Variants in GABBR1 observed in about 807,000 individuals in gnomAD.
GABBR1 encodes gamma-aminobutyric acid type B receptor subunit 1, also known as GABA-B receptor, R1 subunit.
Under a neutral mutation model 117.7 loss-of-function variants are expected in GABBR1, and 35 were observed. That is an observed-to-expected ratio of 0.30 (90% CI 0.23 to 0.39). The LOEUF (loss-of-function observed/expected upper bound fraction) is 0.39, where lower values mean the gene tolerates loss of function less well. GABBR1 is among the 10% of genes least tolerant of loss of function. The pLI is 1.00. For synonymous variants in GABBR1, 442 were observed against 486.6 expected (o/e 0.91, Z 1.21); for missense variants, 709 against 1,241.8 (o/e 0.57, Z 6.45).
Position 29,621,972 on chromosome 6 carries a change from TA to T in GABBR1, c.1065+131del. 2 of 1,043,824 alleles carry T rather than the reference TA, an allele frequency of 1.9e-6. No individual in the cohort carries two copies. The highest frequency in any genetic ancestry group is 2.9e-6 in the Non-Finnish European group (2 of 688,896). 64.7% of individuals were successfully genotyped at this position (1,043,824 alleles called of 1,614,324 possible). On this transcript the variant is annotated intron_variant, in intron 9 of 22. Coordinates refer to ENST00000377034, the MANE Select transcript of GABBR1 (RefSeq NM_001470.4). This position sits in a 1 kb window ranked among gnomAD's most constrained non-coding sequence, Gnocchi z 5.0. ...ATAAACGTCAACTGGAAGATGGAGC[TA>T]AACTTCCCCAGGAGATGCTATTGCC...
intron 11 of GABBR1, among the ~76,000 whole-genome samples, chr6:29,614,455 A>C (rs1762853866): frequency 6.6e-6 from 1 of 152,246 alleles, no homozygotes; most frequent in Non-Finnish European, 1.5e-5. Flanking sequence ...GAATAAATAA[A>C]TAACTTTGTT....
At chr6:29,608,393 T>G in intron 16 of GABBR1, 1 of 548,606 alleles carries the variant, frequency 1.8e-6, no homozygotes, top group East Asian at 3.2e-5. Context: ...AACTGACAAG[T>G]AAACTACAGA....
In GABBR1 at chr6:29,605,490, G is replaced by A; in HGVS notation, c.2439+79C>T. The A allele has an allele frequency of 6.6e-7, 1 of 1,522,064 alleles. No individual in the cohort carries two copies. Among genetic ancestry groups the A allele is most frequent in the Non-Finnish European group, 8.9e-7 (1 of 1,117,338 alleles). The allele number at this position is 1,522,064 out of a possible 1,614,324, so 94.3% of individuals were successfully genotyped here. A position where few individuals can be genotyped will look rare whatever the true frequency, so the allele number is the denominator to read the frequency against. ...TTCTAAGCAACCGATCCCAGATCTAGCATTGATTCTTCCTAGTCCTCTATA... is the reference window on the plus strand; with the variant it reads ...TTCTAAGCAACCGATCCCAGATCTAACATTGATTCTTCCTAGTCCTCTATA... On this transcript the variant is annotated intron_variant, in intron 20 of 22. Coordinates refer to ENST00000377034, the MANE Select transcript of GABBR1 (RefSeq NM_001470.4). The surrounding 1 kb of genome is among the most constrained non-coding windows in gnomAD (Gnocchi z 4.2).
Position 29,632,739 on chromosome 6 carries a change from C to T in GABBR1, c.-1+111G>A. 1 of 1,269,418 alleles carries T rather than the reference C, an allele frequency of 7.9e-7. No individual in the cohort carries two copies. The highest frequency in any genetic ancestry group is 1.0e-6 in the Non-Finnish European group (1 of 985,894). The allele number at this position is 1,269,418 out of a possible 1,614,324, so 78.6% of individuals were successfully genotyped here. A position where few individuals can be genotyped will look rare whatever the true frequency, so the allele number is the denominator to read the frequency against. ...CCCGATTCCATCCCCGCGGTTCCTC[C>T]TCTCCCCCAGCCCCGCTTCCCCCAG... On this transcript the variant is annotated intron_variant, in intron 1 of 22. Transcript: ENST00000377034. This position sits in a 1 kb window ranked among gnomAD's most constrained non-coding sequence, Gnocchi z 5.8.
chr6:29,608,766 G>C, intron 15 of GABBR1, 33 bp from the exon 16 acceptor site: 1 of 1,605,464 alleles, frequency 6.2e-7, no homozygotes. Context: ...GAGAGGGAGA[G>C]AGAATTACCC....
chr6:29,629,327 A>T lies in GABBR1; in HGVS notation c.476-220T>A. 3 of 683,426 alleles carry T rather than the reference A, an allele frequency of 4.4e-6. No homozygotes were observed. In the South Asian group the frequency reaches 4.6e-5, roughly 10 times the overall value. 42.3% of individuals were successfully genotyped at this position (683,426 alleles called of 1,614,324 possible). On this transcript the variant is annotated intron_variant, in intron 4 of 22. Coordinates refer to ENST00000377034, the MANE Select transcript of GABBR1 (RefSeq NM_001470.4). ...TCTTCGATTTTTCATAGGACAACAG[A>T]ATTTGAGACGGGAATGCCAATAGCT...
chr6:29,620,338 A>T lies in GABBR1; in HGVS notation c.1323+763T>A, dbSNP rs1763620348. Among the ~76,000 whole-genome samples, 1 of 152,198 alleles carries T rather than the reference A, an allele frequency of 6.6e-6. No homozygotes were observed. On this transcript the variant is annotated intron_variant, in intron 11 of 22. Coordinates refer to ENST00000377034, the MANE Select transcript of GABBR1 (RefSeq NM_001470.4). The surrounding 1 kb of genome is among the most constrained non-coding windows in gnomAD (Gnocchi z 4.5). ...TTACAACCATTAACTCACCCCTAAC[A>T]TGCTCTCCAAAGCAGGTACACACTT... is the stretch of plus-strand genomic sequence containing the variant.
At position 29,607,375 on chromosome 6, in the gene GABBR1, C is replaced by T. The variant is rs191667136; in HGVS notation, c.1993-157G>A. ...GCGAAAATGTGAGCAGGACGGGGAG[C>T]GGCAGGAGGAGAGCAGTCTCCCCAC... On this transcript the variant is annotated intron_variant, in intron 16 of 22. Transcript: ENST00000377034. The surrounding 1 kb of genome is among the most constrained non-coding windows in gnomAD (Gnocchi z 5.0). 4.1e-3 allele frequency among the ~76,000 whole-genome samples: 625 copies of T among 152,166 alleles called. 1 individual carries two copies. The highest frequency in any genetic ancestry group is 0.012 in the African/African-American group (505 of 41,516).
rs538792076 is a variant in GABBR1 at position 29,604,355 on chromosome 6, C to T, written c.2712+139G>A. On this transcript the variant is annotated intron_variant, in intron 22 of 22. Coordinates refer to ENST00000377034, the MANE Select transcript of GABBR1 (RefSeq NM_001470.4). This position sits in a 1 kb window ranked among gnomAD's most constrained non-coding sequence, Gnocchi z 5.3. ...CCTATGCTGCTCCATTCACTCCTTACAGGTTGTCTCCTAGGACCCTCCCTC... is the reference window on the plus strand; with the variant it reads ...CCTATGCTGCTCCATTCACTCCTTATAGGTTGTCTCCTAGGACCCTCCCTC... 2.2e-5 allele frequency: 22 copies of T among 1,005,948 alleles called. No homozygotes were observed. The highest frequency in any genetic ancestry group is 4.2e-4 in the Middle Eastern group (2 of 4,768). The allele number at this position is 1,005,948 out of a possible 1,614,324, so 62.3% of individuals were successfully genotyped here.
intron 6 of GABBR1, among the ~76,000 whole-genome samples, chr6:29,625,320 C>T (rs746395768): frequency 1.3e-5 from 2 of 152,174 alleles, no homozygotes; most frequent in African/African-American, 4.8e-5. Flanking sequence ...CCCAGCTTCT[C>T]CCACAGCCCC....
Position 29,621,775 on chromosome 6 carries a change from C to T in GABBR1, c.1108G>A (p.Glu370Lys). ...RIIVGLFYET[E>K]ARKVFCEVYK... ...ACCTCACAAAAAACTTTCCGGGCTT[C>T]AGTCTCATAGAAAAGTCCCACGATG... is the stretch of plus-strand genomic sequence containing the variant. Residue 370 changes from glutamate (E) to lysine (K), a missense_variant, in exon 10 of 23, where the codon GAA becomes AAA. Coordinates refer to ENST00000377034, the MANE Select transcript of GABBR1 (RefSeq NM_001470.4). This position sits in a 1 kb window ranked among gnomAD's most constrained non-coding sequence, Gnocchi z 5.0. The T allele has an allele frequency of 6.2e-7, 1 of 1,614,144 alleles. No individual in the cohort carries two copies. Among genetic ancestry groups the T allele is most frequent in the Non-Finnish European group, 8.5e-7 (1 of 1,180,026 alleles).
At position 29,627,470 on chromosome 6, in the gene GABBR1, C is replaced by CCCA; in HGVS notation, c.657+15_657+16insTGG. ...GCAAGCCCCCACCTCCCACCCACCC[C>CCCA]CATGTCCAGGGCTACCTTGCTGTCG... On this transcript the variant is annotated intron_variant, in intron 6 of 22. Transcript: ENST00000377034. The surrounding 1 kb of genome is among the most constrained non-coding windows in gnomAD (Gnocchi z 4.4). 6.3e-7 allele frequency: 1 copy of CCCA among 1,580,806 alleles called. No individual in the cohort carries two copies. Among genetic ancestry groups the CCCA allele is most frequent in the Non-Finnish European group, 8.6e-7 (1 of 1,162,932 alleles).
In GABBR1 at chr6:29,607,255, GAGT is replaced by G. The variant is rs749672733; in HGVS notation, c.1993-40_1993-38del. Reference sequence around the variant, plus strand: ...GAGAGGGCACAGGCAGAACAGGGTAGAGTAGTAGCCGGGACTGCAGTAAGGATG... The same window carrying G: ...GAGAGGGCACAGGCAGAACAGGGTAGAGTAGCCGGGACTGCAGTAAGGATG... On this transcript the variant is annotated intron_variant, in intron 16 of 22. Coordinates refer to ENST00000377034, the MANE Select transcript of GABBR1 (RefSeq NM_001470.4). This position sits in a 1 kb window ranked among gnomAD's most constrained non-coding sequence, Gnocchi z 5.0. 70 of 1,542,232 alleles carry G rather than the reference GAGT, an allele frequency of 4.5e-5. No individual in the cohort carries two copies. Among genetic ancestry groups the G allele is most frequent in the Non-Finnish European group, 5.4e-5 (60 of 1,116,074 alleles).
rs1280273668 is a variant in GABBR1 at position 29,602,905 on chromosome 6, C to T, written c.*638G>A. The T allele has an allele frequency of 2.4e-6, 1 of 423,210 alleles. No individual in the cohort carries two copies. Among genetic ancestry groups the T allele is most frequent in the Admixed American group, 2.6e-5 (1 of 37,916 alleles). 26.2% of individuals were successfully genotyped at this position (423,210 alleles called of 1,614,324 possible). A position where few individuals can be genotyped will look rare whatever the true frequency, so the allele number is the denominator to read the frequency against. ...AAAGCATACGGGAAAAGCGTGTGTA[C>T]ACATGAGCATGTTCAGTGGGCACAC... is the stretch of plus-strand genomic sequence containing the variant. On this transcript the variant is annotated 3_prime_UTR_variant, in exon 23 of 23. Coordinates refer to ENST00000377034, the MANE Select transcript of GABBR1 (RefSeq NM_001470.4).
In GABBR1 at chr6:29,623,793, A is replaced by G. The variant is rs1763997508; in HGVS notation, c.792+97T>C. ...TCTGAATCTTAGTAGCAGGTCCTCC[A>G]CACTCCTTTTCAATACAAACCCACA... On this transcript the variant is annotated intron_variant, in intron 7 of 22. Transcript: ENST00000377034. This position sits in a 1 kb window ranked among gnomAD's most constrained non-coding sequence, Gnocchi z 6.2. The G allele has an allele frequency of 7.0e-7, 1 of 1,422,634 alleles. No individual in the cohort carries two copies. Among genetic ancestry groups the G allele is most frequent in the African/African-American group, 1.4e-5 (1 of 70,620 alleles). 88.1% of individuals were successfully genotyped at this position (1,422,634 alleles called of 1,614,324 possible).
At chr6:29,616,359 C>T (rs969735603) in intron 11 of GABBR1, among the ~76,000 whole-genome samples, 1 of 150,242 alleles carries the variant, frequency 6.7e-6, no homozygotes, top group Non-Finnish European at 1.5e-5. Flanking sequence ...GCCTGGGCAA[C>T]AGAGCAAGAC....
In GABBR1 at chr6:29,605,781, A is replaced by C; in HGVS notation, c.2312-85T>G. 1.3e-6 allele frequency: 2 copies of C among 1,510,294 alleles called. No individual in the cohort carries two copies. Among genetic ancestry groups the C allele is most frequent in the Non-Finnish European group, 1.8e-6 (2 of 1,120,292 alleles). 93.6% of individuals were successfully genotyped at this position (1,510,294 alleles called of 1,614,324 possible). A position where few individuals can be genotyped will look rare whatever the true frequency, so the allele number is the denominator to read the frequency against. ...CCCATCCCCTCTCTGCCCTTCACCT[A>C]CTCTGAAATGGAAAGGGGGCCCTCC... On this transcript the variant is annotated intron_variant, in intron 19 of 22. Coordinates refer to ENST00000377034, the MANE Select transcript of GABBR1 (RefSeq NM_001470.4). The surrounding 1 kb of genome is among the most constrained non-coding windows in gnomAD (Gnocchi z 4.2).
chr6:29,619,292 T>A (rs772384535), intron 11 of GABBR1, among the ~76,000 whole-genome samples: 16 of 152,250 alleles, frequency 1.1e-4, no homozygotes, highest in Non-Finnish European at 2.1e-4. Context: ...TGCTGTTTGA[T>A]TAATCTATAA....
Position 29,603,659 on chromosome 6 carries a change from A to C in GABBR1, c.2770T>G (p.Ser924Ala). Residue 924 changes from serine (S) to alanine (A), a missense_variant, in exon 23 of 23, where the codon TCC becomes GCC. Ser to Ala is a moderately conservative substitution (Grantham distance 99, BLOSUM62 1). Transcript: ENST00000377034. Reference sequence around the variant, plus strand: ...GGGGGTGTCGGTGGGTGGCGCCGGGAGCGGAGCTGCTGCCGAGACTGGAGT... The same window carrying C: ...GGGGGTGTCGGTGGGTGGCGCCGGGCGCGGAGCTGCTGCCGAGACTGGAGT... Reference protein sequence around the residue: ...HQLQSRQQLRSRRHPPTPPEP... With the variant: ...HQLQSRQQLRARRHPPTPPEP... 1 of 1,517,688 alleles carries C rather than the reference A, an allele frequency of 6.6e-7. No homozygotes were observed. The highest frequency in any genetic ancestry group is 8.8e-7 in the Non-Finnish European group (1 of 1,136,994). The allele number at this position is 1,517,688 out of a possible 1,614,324, so 94.0% of individuals were successfully genotyped here.
Sources: gnomAD v4.1 joint callset for allele counts (sites outside exome capture counted in the v4.1 genomes callset) on GRCh38, gnomAD v4.1.1 for gene constraint, Gnocchi (gnomAD v3.1) non-coding constraint, MANE v1.5 for transcripts, NCBI Gene and HGNC (gene_info 2026-07-23, HGNC 2026-07-21) for gene names.